The following DISC1 variants were observed in gnomAD, a reference collection of about 807,000 sequenced individuals.
DISC1 encodes the protein DISC1 scaffold protein, also known as disrupted in schizophrenia 1 protein.
A neutral mutation model predicts 84.5 loss-of-function variants in DISC1; 57 were observed. That is an observed-to-expected ratio of 0.67 (90% CI 0.55 to 0.84). DISC1 has a LOEUF of 0.84. Among genes scored for constraint, DISC1 ranks in the 40% least tolerant of loss-of-function variants. The pLI is 0.00. For synonymous variants in DISC1, 411 were observed against 415.2 expected, an observed-to-expected ratio of 0.99 and a Z score of 0.12; for missense variants, 1,000 against 1,057.8, an observed-to-expected ratio of 0.95 and a Z score of 0.76.
At chr1:232,023,460 T>A (rs1260557535) in intron 11 of DISC1, among the ~76,000 whole-genome samples, 1 of 152,198 alleles carries the variant, frequency 6.6e-6, no homozygotes, top group Non-Finnish European at 1.5e-5. Flanking sequence ...TCAATTTAAA[T>A]GAACAAATTA....
chr1:231,750,070 C>T lies in DISC1; in HGVS notation c.1262C>T (p.Thr421Ile). 2 of 1,613,870 alleles carry T rather than the reference C, an allele frequency of 1.2e-6. No individual in the cohort carries two copies. Among genetic ancestry groups the T allele is most frequent in the Non-Finnish European group, 1.7e-6 (2 of 1,179,858 alleles). ...CAGGCTGCCTTGCGCCGTGGGGCCA[C>T]TCAGCAGTGAGTACTTGTTATTGTC... ...QVQAALRRGA[T>I]QQASGDDTHT... Residue 421 changes from threonine (T) to isoleucine (I), a missense_variant, in exon 4 of 13, where the codon ACT becomes ATT. Physicochemically the swap from Thr to Ile is moderately conservative, Grantham distance 89. This residue lies in a region of DISC1 where 311 missense variants were observed against 400.1 expected (regional missense o/e 0.78). Coordinates refer to ENST00000439617, the MANE Select transcript of DISC1 (RefSeq NM_018662.3).
chr1:231,926,774 T>C (rs2090382067), intron 9 of DISC1, among the ~76,000 whole-genome samples: 1 of 152,210 alleles, frequency 6.6e-6, no homozygotes, highest in Non-Finnish European at 1.5e-5. Context: ...CAGAGATTTA[T>C]TCCTCCACTA....
intron 1 of DISC1, among the ~76,000 whole-genome samples, chr1:231,635,992 T>C (rs2059164300): frequency 6.6e-6 from 1 of 152,180 alleles, no homozygotes; most frequent in African/African-American, 2.4e-5. Context: ...AAGAAGTATT[T>C]AGCACCAGTA....
chr1:231,907,543 A>C (rs1253696410), intron 9 of DISC1, among the ~76,000 whole-genome samples: 3 of 152,158 alleles, frequency 2.0e-5, no homozygotes, highest in African/African-American at 7.2e-5. Flanking sequence ...TCCATAGTGT[A>C]TATGTGCCAC....
intron 1 of DISC1, among the ~76,000 whole-genome samples, chr1:231,686,565 G>A (rs2064308116): frequency 6.6e-6 from 1 of 152,152 alleles, no homozygotes; most frequent in African/African-American, 2.4e-5. Flanking sequence ...CCTGGGCCCG[G>A]CCCACAAAAC....
chr1:231,723,421 G>T, intron 3 of DISC1: 2 of 985,722 alleles, frequency 2.0e-6, no homozygotes, highest in Non-Finnish European at 2.4e-6. Context: ...ATTGCTGTGA[G>T]ATCAGGTGCA....
intron 1 of DISC1, among the ~76,000 whole-genome samples, chr1:231,674,060 A>G (rs2062895138): frequency 1.3e-5 from 2 of 152,204 alleles, no homozygotes; most frequent in South Asian, 2.1e-4. Context: ...CTTATCTCCT[A>G]TAAACCTCAG....
rs191653003 is a variant in DISC1, at chr1:231,876,721, G to T, written c.1981+58204G>T. 8.9e-3 allele frequency among the ~76,000 whole-genome samples: 1,362 copies of T among 152,312 alleles called. 11 individuals are homozygous for T. The highest frequency in any genetic ancestry group is 0.012 in the Non-Finnish European group (841 of 68,018). On this transcript the variant is annotated intron_variant, in intron 9 of 12. Coordinates refer to ENST00000439617, the MANE Select transcript of DISC1 (RefSeq NM_018662.3). ...CAAATGAGTTTCAAGAGGGTTTATG[G>T]TTTTCAGGGGCCATAGCAGGCTGTC...
chr1:231,803,347 T>C (rs2079429951), intron 8 of DISC1, among the ~76,000 whole-genome samples: 1 of 152,172 alleles, frequency 6.6e-6, no homozygotes. Context: ...AATAAGTGGC[T>C]CCTCAAACTT....
chr1:232,008,661 G>A, intron 10 of DISC1, 124 bp from the exon 11 acceptor site: 1 of 1,171,218 alleles, frequency 8.5e-7, no homozygotes, highest in South Asian at 1.8e-5. Context: ...ATTTATCACT[G>A]TGAAATTAAG....
intron 4 of DISC1, among the ~76,000 whole-genome samples, chr1:231,751,522 G>T (rs2074600539): frequency 6.6e-6 from 1 of 152,132 alleles, no homozygotes; most frequent in Admixed American, 6.5e-5. Flanking sequence ...CAGTTCAGTG[G>T]TATTGAATAC....
intron 3 of DISC1, among the ~76,000 whole-genome samples, chr1:231,729,291 G>A (rs1415534284): frequency 5.3e-5 from 8 of 152,200 alleles, no homozygotes; most frequent in Non-Finnish European, 8.8e-5. Flanking sequence ...GAATAGTGCC[G>A]CAATAAACAT....
intron 3 of DISC1, among the ~76,000 whole-genome samples, chr1:231,706,973 G>A (rs913607824): frequency 6.6e-6 from 1 of 152,150 alleles, no homozygotes; most frequent in Non-Finnish European, 1.5e-5. Flanking sequence ...CAGGAGCCTG[G>A]CAGTTAGAAC....
chr1:231,815,843 G>C (rs2080906211), intron 8 of DISC1, among the ~76,000 whole-genome samples: 1 of 152,080 alleles, frequency 6.6e-6, no homozygotes, highest in South Asian at 2.1e-4. Flanking sequence ...CATAGCTATA[G>C]TATTATTTTT....
Position 232,031,218 on chromosome 1 carries a change from GGAGA to G in DISC1, c.2425+4667_2425+4670del. ...GACAGAGAGAGAGGAAGGAAGGAAG[GGAGA>G]AAGAGAGAGAGAAAGAGAGGAAGGA... On this transcript the variant is annotated intron_variant, in intron 12 of 12. Coordinates refer to ENST00000439617, the MANE Select transcript of DISC1 (RefSeq NM_018662.3). This position sits in a 1 kb window ranked among gnomAD's most constrained non-coding sequence, Gnocchi z 4.6. Among the ~76,000 whole-genome samples the G allele has an allele frequency of 7.3e-6, 1 of 137,380 alleles. No individual in the cohort carries two copies. The highest frequency in any genetic ancestry group is 1.6e-5 in the Non-Finnish European group (1 of 62,676). 90.1% of individuals were successfully genotyped at this position (137,380 alleles called of 152,430 possible). A position where few individuals can be genotyped will look rare whatever the true frequency, so the allele number is the denominator to read the frequency against.
rs114672883 is a variant in DISC1, at chr1:231,675,226, C to T, written c.68-18600C>T. On this transcript the variant is annotated intron_variant, in intron 1 of 12. Coordinates refer to ENST00000439617, the MANE Select transcript of DISC1 (RefSeq NM_018662.3). The surrounding 1 kb of genome is among the most constrained non-coding windows in gnomAD (Gnocchi z 4.1). ...TGCTTATTGGTCCTTAGGCTACTCC[C>T]GCCCGCAAAGTGTAGCGCTGTCTTG... Among the ~76,000 whole-genome samples, 8 of 152,090 alleles carry T rather than the reference C, an allele frequency of 5.3e-5. No homozygotes were observed. The highest frequency in any genetic ancestry group is 1.4e-4 in the African/African-American group (6 of 41,496).
chr1:231,661,640 T>C (rs2061571212), intron 1 of DISC1, among the ~76,000 whole-genome samples: 1 of 152,188 alleles, frequency 6.6e-6, no homozygotes, highest in African/African-American at 2.4e-5. Context: ...GCTATCAGCT[T>C]CTGTATTGTT....
At chr1:231,870,912 C>A (rs765616556) in intron 9 of DISC1, among the ~76,000 whole-genome samples, 1 of 152,110 alleles carries the variant, frequency 6.6e-6, no homozygotes, top group Non-Finnish European at 1.5e-5. Flanking sequence ...GATTTTCAAA[C>A]GATCATGACT....
At chr1:231,802,766 A>G (rs1283599693) in intron 8 of DISC1, among the ~76,000 whole-genome samples, 1 of 152,082 alleles carries the variant, frequency 6.6e-6, no homozygotes, top group Non-Finnish European at 1.5e-5. Context: ...TGGATGTCTA[A>G]CTACAATTAT....
Sources: allele counts gnomAD v4.1 joint callset (sites outside exome capture counted in the v4.1 genomes callset), GRCh38; gene constraint gnomAD v4.1.1; regional missense constraint gnomAD v4.1.1; non-coding constraint Gnocchi (gnomAD v3.1); transcripts MANE v1.5; gene names NCBI Gene and HGNC (gene_info 2026-07-23, HGNC 2026-07-21).